The following RABL6 variants were observed in gnomAD, a reference collection of about 807,000 sequenced individuals.
RABL6 encodes the protein RAB, member RAS oncogene family like 6.
RABL6 carries 28 observed loss-of-function variants against 72.9 expected under a neutral mutation model. The observed-to-expected ratio is 0.38, with a 90% CI of 0.28 to 0.53. The LOEUF (loss-of-function observed/expected upper bound fraction) is 0.53. Ranked by LOEUF, RABL6 falls within the 20% of genes least tolerant of loss-of-function variation. The pLI is 0.80. For missense variants in RABL6, 1,029 were observed against 1,008.4 expected, an observed-to-expected ratio of 1.02 and a Z score of -0.28; for synonymous variants, 477 against 421.2, an observed-to-expected ratio of 1.13 and a Z score of -1.62.
rs1213617708 is a variant in RABL6, at chr9:136,839,258, A to G, written c.1530A>G (p.Thr510=). Residue 510 remains threonine (T), a synonymous_variant, in exon 12 of 15, where the codon ACA becomes ACG. Coordinates refer to ENST00000311502, the MANE Select transcript of RABL6 (RefSeq NM_024718.5). ...SIPASKPRRG[T]APTRTAAPPW... ...CAGCTTCGAAGCCACGGAGGGGGAC[A>G]GCTCCCACGAGGACCGCAGCACCCC... 3 of 1,605,558 alleles carry G rather than the reference A, an allele frequency of 1.9e-6. No homozygotes were observed. Among genetic ancestry groups the G allele is most frequent in the South Asian group, 2.2e-5 (2 of 90,160 alleles).
chr9:136,834,533 C>G, intron 7 of RABL6: 7 of 906,046 alleles, frequency 7.7e-6, no homozygotes, highest in Non-Finnish European at 9.2e-6. Flanking sequence ...GGCTGGAGTA[C>G]GGTGGTGCAA....
chr9:136,837,955 C>T lies in RABL6; in HGVS notation c.1220C>T (p.Thr407Ile). Reference protein sequence around the residue: ...DRLDRSFLEDTTPARDEKKVG... With the variant: ...DRLDRSFLEDITPARDEKKVG... ...CTGGACCGCAGCTTCCTGGAAGACACAACCCCCGCCAGGGACGAGAAGAAG... is the reference window on the plus strand; with the variant it reads ...CTGGACCGCAGCTTCCTGGAAGACATAACCCCCGCCAGGGACGAGAAGAAG... Residue 407 changes from threonine to isoleucine, a missense_variant, in exon 10 of 15, where the codon ACA becomes ATA. Transcript: ENST00000311502. 6.4e-7 allele frequency: 1 copy of T among 1,566,392 alleles called. No individual in the cohort carries two copies. The highest frequency in any genetic ancestry group is 8.6e-7 in the Non-Finnish European group (1 of 1,156,346).
intron 1 of RABL6, among the ~76,000 whole-genome samples, chr9:136,816,805 A>G (rs1370080785): frequency 6.6e-6 from 1 of 152,108 alleles, no homozygotes; most frequent in Non-Finnish European, 1.5e-5. Context: ...ATTTCTTGTA[A>G]TTAGCTTTTT....
Position 136,831,772 on chromosome 9 carries a change from A to G in RABL6, c.510A>G (p.Pro170=), listed in dbSNP as rs764609829. 3 of 1,613,514 alleles carry G rather than the reference A, an allele frequency of 1.9e-6. No individual in the cohort carries two copies. The Admixed American group carries it at 5.0e-5, about 27-fold the overall frequency. The change falls in exon 6 of 15, where the codon CCA becomes CCG. Residue 170 remains proline, a synonymous_variant. Coordinates refer to ENST00000311502, the MANE Select transcript of RABL6 (RefSeq NM_024718.5). ...TTCCAAAAGTGCCCACCCACGTGCC[A>G]GTGTGCGTGCTGGGAAACTACCGGG... The part of the protein sequence containing the change: ...RELPKVPTHV[P]VCVLGNYRDM...
chr9:136,833,807 T>C (rs1848531724), intron 7 of RABL6: 3 of 1,550,396 alleles, frequency 1.9e-6, no homozygotes, highest in African/African-American at 1.4e-5. Flanking sequence ...GGACTGCTGC[T>C]GGGGACGTTT....
At chr9:136,818,381 A>AC (rs1848166213) in intron 1 of RABL6, among the ~76,000 whole-genome samples, 2 of 122,302 alleles carry the variant, frequency 1.6e-5, no homozygotes, top group African/African-American at 8.0e-5. Flanking sequence ...AAAAAAAAAA[A>AC]AAAAAAAAAA....
At chr9:136,833,731 G>C (rs377162280) in intron 7 of RABL6, 88 of 1,550,316 alleles carry the variant, frequency 5.7e-5, no homozygotes, top group Non-Finnish European at 7.3e-5. Context: ...AGGATGTCAG[G>C]CTTGCCCAGG....
intron 1 of RABL6, among the ~76,000 whole-genome samples, chr9:136,819,188 G>A (rs553409325): frequency 6.6e-6 from 1 of 152,226 alleles, no homozygotes; most frequent in African/African-American, 2.4e-5. Flanking sequence ...CGGGCGTGGT[G>A]GCGGGCGCCT....
In RABL6 at chr9:136,839,052, C is replaced by T. The variant is rs1404177902; in HGVS notation, c.1424C>T (p.Ala475Val). The T allele has an allele frequency of 1.2e-6, 2 of 1,612,358 alleles. No homozygotes were observed. Among genetic ancestry groups the T allele is most frequent in the Non-Finnish European group, 1.7e-6 (2 of 1,179,776 alleles). ...QDITLSSEEEAEVAAPTKGPA... is the reference protein window; with the variant it reads ...QDITLSSEEEVEVAAPTKGPA... ...ATCACTCTTTCGAGTGAGGAGGAAG[C>T]AGAAGTGGCAGCTCCCACAAAAGGC... Residue 475 changes from alanine (A) to valine (V), a missense_variant, in exon 11 of 15, where the codon GCA becomes GTA. Around this residue, in one of 2 missense-constraint regions of RABL6, gnomAD observed 595 missense variants for 472.4 expected, o/e 1.26. Coordinates refer to ENST00000311502, the MANE Select transcript of RABL6 (RefSeq NM_024718.5).
rs1380588242 is a variant in RABL6 at position 136,837,360 on chromosome 9, TGGAG to T, written c.826_829del (p.Glu276LeufsTer322). 6.2e-7 allele frequency: 1 copy of T among 1,604,446 alleles called. No individual in the cohort carries two copies. The highest frequency in any genetic ancestry group is 8.5e-7 in the Non-Finnish European group (1 of 1,176,380). ...CTGCCTTTCAGCTTCCTGGAGATGA[TGGAG>T]GCTCGCAGCCGTGGCCATGCGTCCC... On this transcript the variant is annotated frameshift_variant, in exon 9 of 15. Coordinates refer to ENST00000311502, the MANE Select transcript of RABL6 (RefSeq NM_024718.5). LOFTEE classifies it high-confidence loss of function.
chr9:136,836,208 G>A (rs1848582147), intron 8 of RABL6: 2 of 229,506 alleles, frequency 8.7e-6, no homozygotes, highest in East Asian at 2.2e-4. Flanking sequence ...GCTTGACTTT[G>A]GGAAGCTCCC....
At chr9:136,817,169 CTAA>C (rs1161709970) in intron 1 of RABL6, among the ~76,000 whole-genome samples, 2 of 151,748 alleles carry the variant, frequency 1.3e-5, no homozygotes, top group Non-Finnish European at 2.9e-5. Flanking sequence ...AGAAGCAGCA[CTAA>C]CTCAGCTGAA....
At chr9:136,830,210 C>G (rs557921726) in intron 5 of RABL6, among the ~76,000 whole-genome samples, 1 of 152,358 alleles carries the variant, frequency 6.6e-6, no homozygotes, top group South Asian at 2.1e-4. Context: ...GGGGCCTAGT[C>G]AGCAGCTTCT....
At chr9:136,821,444 T>C in intron 1 of RABL6, 1 of 985,186 alleles carries the variant, frequency 1.0e-6, no homozygotes, top group Non-Finnish European at 1.2e-6. Flanking sequence ...GCTCAGGCCG[T>C]GGACCTCGGG....
intron 1 of RABL6, among the ~76,000 whole-genome samples, chr9:136,818,924 C>T (rs1848181848): frequency 6.6e-6 from 1 of 152,326 alleles, no homozygotes; most frequent in South Asian, 2.1e-4. Context: ...CTTCAGACTT[C>T]ACTGCAGCAG....
chr9:136,825,791 T>C lies in RABL6; in HGVS notation c.278T>C (p.Ile93Thr). Residue 93 changes from isoleucine to threonine, a missense_variant, in exon 3 of 15, where the codon ATC becomes ACC. Ile to Thr is a moderately conservative substitution (Grantham distance 89). Around this residue, in one of 2 missense-constraint regions of RABL6, gnomAD observed 434 missense variants for 536.1 expected, o/e 0.81. Coordinates refer to ENST00000311502, the MANE Select transcript of RABL6 (RefSeq NM_024718.5). ...CTCCCTGTTTCAGCCACGGATGACA[T>C]CGTGAAGGTTGAAGTCTGGGATGTA... ...IHWSYKTTDDIVKVEVWDVVD... is the reference protein window; with the variant it reads ...IHWSYKTTDDTVKVEVWDVVD... 1 of 1,613,622 alleles carries C rather than the reference T, an allele frequency of 6.2e-7. No homozygotes were observed. The highest frequency in any genetic ancestry group is 8.5e-7 in the Non-Finnish European group (1 of 1,179,622).
In RABL6 at chr9:136,841,083, G is replaced by A; in HGVS notation, c.*561G>A. 1 of 1,399,950 alleles carries A rather than the reference G, an allele frequency of 7.1e-7. No homozygotes were observed. The highest frequency in any genetic ancestry group is 9.3e-7 in the Non-Finnish European group (1 of 1,077,428). 86.7% of individuals were successfully genotyped at this position (1,399,950 alleles called of 1,614,324 possible). On this transcript the variant is annotated 3_prime_UTR_variant, in exon 15 of 15. Coordinates refer to ENST00000311502, the MANE Select transcript of RABL6 (RefSeq NM_024718.5). ...GGGAGTGGGGGTTGTGTTTCCCACA[G>A]TGGCCTCAGCTGCGCCCCCGCTCAG...
At position 136,813,945 on chromosome 9, in the gene RABL6, A is replaced by G. The variant is rs139604660; in HGVS notation, c.130+5619A>G. The G allele has an allele frequency of 2.9e-3, 1,115 of 378,684 alleles. 14 individuals carry two copies. Among genetic ancestry groups the G allele is most frequent in the African/African-American group, 0.023 (1,055 of 45,546 alleles). 23.5% of individuals were successfully genotyped at this position (378,684 alleles called of 1,614,324 possible). On this transcript the variant is annotated intron_variant, in intron 1 of 14. Transcript: ENST00000311502. Reference sequence around the variant, plus strand: ...GCCAAAACACTTGTAATTCATCCTGAGTGACTTTGTAAGGGAGATTTGTAG... The same window carrying G: ...GCCAAAACACTTGTAATTCATCCTGGGTGACTTTGTAAGGGAGATTTGTAG...
intron 1 of RABL6, chr9:136,812,866 G>A: frequency 3.1e-6 from 1 of 319,672 alleles, no homozygotes; most frequent in Non-Finnish European, 6.2e-6. Flanking sequence ...AGCCTTCCTG[G>A]CTTCTGCCAC....
Sources: allele counts gnomAD v4.1 joint callset (sites outside exome capture counted in the v4.1 genomes callset), GRCh38; gene constraint gnomAD v4.1.1; regional missense constraint gnomAD v4.1.1; transcripts MANE v1.5; gene names NCBI Gene and HGNC (gene_info 2026-07-23, HGNC 2026-07-21).